SLC1A2: variants seen among roughly 807,000 people sequenced by gnomAD.
The protein encoded by SLC1A2 is excitatory amino acid transporter 2.
Under a neutral mutation model 48.8 loss-of-function variants are expected in SLC1A2, and 15 were observed. The observed-to-expected ratio is 0.31, with a 90% CI of 0.21 to 0.47. The LOEUF is 0.47. Ranked by LOEUF, SLC1A2 falls within the 20% of genes least tolerant of loss-of-function variation. SLC1A2 has a pLI of 0.99. For synonymous variants in SLC1A2, 279 were observed against 272.6 expected (o/e 1.02, Z -0.23); for missense variants, 502 against 730.5 (o/e 0.69, Z 3.61).
intron 1 of SLC1A2, among the ~76,000 whole-genome samples, chr11:35,396,121 A>G (rs1188294587): frequency 1.5e-5 from 2 of 134,272 alleles, no homozygotes; most frequent in African/African-American, 6.4e-5. Flanking sequence ...ATTGTGAATA[A>G]TGCTGCAATA....
intron 1 of SLC1A2, among the ~76,000 whole-genome samples, chr11:35,343,632 A>G (rs1852921399): frequency 6.6e-6 from 1 of 152,130 alleles, no homozygotes; most frequent in South Asian, 2.1e-4. Context: ...AAGAGCCTGG[A>G]CACCAACCAG....
intron 1 of SLC1A2, chr11:35,404,231 G>C (rs1855218382): frequency 6.6e-6 from 1 of 152,140 alleles, no homozygotes; most frequent in Non-Finnish European, 1.5e-5. Flanking sequence ...TAGGCTTCCT[G>C]CTTTTAAGGC....
At chr11:35,333,281 G>T (rs1331985575) in intron 1 of SLC1A2, among the ~76,000 whole-genome samples, 1 of 152,050 alleles carries the variant, frequency 6.6e-6, no homozygotes, top group Non-Finnish European at 1.5e-5. Context: ...GCCAGGTGTG[G>T]TGGTGCATGC....
At chr11:35,379,197 C>G (rs566942274) in intron 1 of SLC1A2, among the ~76,000 whole-genome samples, 1 of 152,234 alleles carries the variant, frequency 6.6e-6, no homozygotes, top group South Asian at 2.1e-4. Flanking sequence ...CCATTGCACT[C>G]TAGCCTGGGC....
intron 1 of SLC1A2, among the ~76,000 whole-genome samples, chr11:35,412,453 G>A (rs920676938): frequency 2.6e-5 from 4 of 152,190 alleles, no homozygotes; most frequent in Non-Finnish European, 4.4e-5. Flanking sequence ...AAGGATTGAA[G>A]GGCTTCCAAA....
At chr11:35,277,969 A>G (rs1202965416) in intron 9 of SLC1A2, among the ~76,000 whole-genome samples, 1 of 151,914 alleles carries the variant, frequency 6.6e-6, no homozygotes, top group Non-Finnish European at 1.5e-5. Context: ...TCACCCATAC[A>G]CCACCATTGA....
At chr11:35,267,161 T>A (rs16927220) in intron 9 of SLC1A2, among the ~76,000 whole-genome samples, 2,986 of 152,208 alleles carry the variant, frequency 0.02, 99 homozygotes, top group African/African-American at 0.068. Context: ...ATCGGGCACT[T>A]GGAATAATTG....
intron 5 of SLC1A2, 127 bp downstream of exon 5, chr11:35,305,947 T>G: frequency 1.3e-6 from 1 of 754,232 alleles, no homozygotes; most frequent in Non-Finnish European, 2.1e-6. Flanking sequence ...GACCCTCAAA[T>G]TGCTCCCCAG....
chr11:35,264,430 G>T (rs939667547), intron 10 of SLC1A2, among the ~76,000 whole-genome samples: 4 of 152,228 alleles, frequency 2.6e-5, no homozygotes, highest in Admixed American at 2.6e-4. Flanking sequence ...CAGCTGCTGT[G>T]TGGAATCATT....
rs776951037 is a variant in SLC1A2 at position 35,255,684 on chromosome 11, C to T, written c.*5210G>A. ...TGTTGCTACAGCAGCAATGATGCAACAGCTTGAGTGAGGCTGTAGGTTCAT... is the reference window on the plus strand; with the variant it reads ...TGTTGCTACAGCAGCAATGATGCAATAGCTTGAGTGAGGCTGTAGGTTCAT... On this transcript the variant is annotated 3_prime_UTR_variant, in exon 11 of 11. Transcript: ENST00000278379. 3.3e-5 allele frequency: 5 copies of T among 152,204 alleles called. No individual in the cohort carries two copies. The highest frequency in any genetic ancestry group is 7.3e-5 in the Non-Finnish European group (5 of 68,036). The allele number at this position is 152,204 out of a possible 1,614,324, so 9.4% of individuals were successfully genotyped here.
intron 1 of SLC1A2, among the ~76,000 whole-genome samples, chr11:35,324,916 G>A (rs1262378595): frequency 6.6e-6 from 1 of 152,144 alleles, no homozygotes; most frequent in Non-Finnish European, 1.5e-5. Context: ...AGAGACTGGG[G>A]TGGGGTGTTT....
intron 7 of SLC1A2, among the ~76,000 whole-genome samples, chr11:35,288,624 A>G (rs1850900655): frequency 6.6e-6 from 1 of 152,234 alleles, no homozygotes; most frequent in Non-Finnish European, 1.5e-5. Context: ...ATTTATGTTT[A>G]TTATTGCATT....
intron 1 of SLC1A2, among the ~76,000 whole-genome samples, chr11:35,338,357 T>C (rs1302562995): frequency 6.6e-6 from 1 of 152,126 alleles, no homozygotes; most frequent in Non-Finnish European, 1.5e-5. Context: ...TTTGGTTCTA[T>C]CCTCTCGACT....
chr11:35,404,792 G>A, intron 1 of SLC1A2, among the ~76,000 whole-genome samples: 1 of 152,160 alleles, frequency 6.6e-6, no homozygotes, highest in East Asian at 1.9e-4. Context: ...CAGAGGGAGA[G>A]AGAAAGCAAA....
chr11:35,327,730 T>C (rs888538918), intron 1 of SLC1A2, among the ~76,000 whole-genome samples: 5 of 152,220 alleles, frequency 3.3e-5, no homozygotes, highest in Admixed American at 6.5e-5. Flanking sequence ...CAAGAGTTAA[T>C]GACATCCCGG....
chr11:35,415,836 C>T (rs902368221), intron 1 of SLC1A2, among the ~76,000 whole-genome samples: 8 of 152,162 alleles, frequency 5.3e-5, no homozygotes, highest in African/African-American at 1.4e-4. Context: ...CTAGCCACCC[C>T]CCACCTCCAA....
chr11:35,279,148 A>T (rs1403518991), intron 9 of SLC1A2, among the ~76,000 whole-genome samples: 1 of 152,246 alleles, frequency 6.6e-6, no homozygotes, highest in Non-Finnish European at 1.5e-5. Flanking sequence ...CTGGGCCAGC[A>T]CTTGTCACTC....
intron 1 of SLC1A2, among the ~76,000 whole-genome samples, chr11:35,395,588 G>A (rs1565300927): frequency 6.6e-6 from 1 of 151,956 alleles, no homozygotes; most frequent in Non-Finnish European, 1.5e-5. Flanking sequence ...GTGGGAAGAA[G>A]CAAAGCTCCG....
chr11:35,393,784 T>G (rs1312280769), intron 1 of SLC1A2, among the ~76,000 whole-genome samples: 1 of 152,192 alleles, frequency 6.6e-6, no homozygotes, highest in Non-Finnish European at 1.5e-5. Context: ...TAAAAATTTA[T>G]AAAAATCAAT....
Sources: allele counts gnomAD v4.1 joint callset (sites outside exome capture counted in the v4.1 genomes callset), GRCh38; gene constraint gnomAD v4.1.1; transcripts MANE v1.5; gene names NCBI Gene and HGNC (gene_info 2026-07-23, HGNC 2026-07-21).